The following IL1RAPL2 variants were observed in gnomAD, a reference collection of about 807,000 sequenced individuals.
IL1RAPL2 encodes the protein interleukin 1 receptor accessory protein like 2, also known as X-linked interleukin-1 receptor accessory protein-like 2.
A neutral mutation model predicts 44.1 loss-of-function variants in IL1RAPL2; 3 were observed. The observed-to-expected ratio is 0.07, with a 90% CI of 0.03 to 0.18. The LOEUF (loss-of-function observed/expected upper bound fraction) is 0.18, where lower values mean the gene tolerates loss of function less well. Among genes scored for constraint, IL1RAPL2 ranks in the 10% least tolerant of loss-of-function variants. The probability of loss-of-function intolerance (pLI) is 1.00; values close to 1 mark genes in which losing one functional copy is unlikely to be tolerated. For synonymous variants in IL1RAPL2, 181 were observed against 178.8 expected (o/e 1.01, Z -0.10); for missense variants, 391 against 496.4 (o/e 0.79, Z 2.02).
At chrX:105,168,063 G>A (rs2033386726) in intron 2 of IL1RAPL2, among the ~76,000 whole-genome samples, 1 of 111,191 alleles carries the variant, frequency 9.0e-6, no homozygotes, top group African/African-American at 3.3e-5. Flanking sequence ...ACAAATACAT[G>A]AACTTAATGA....
intron 2 of IL1RAPL2, among the ~76,000 whole-genome samples, chrX:104,990,416 A>G (rs752493487): frequency 8.5e-5 from 7 of 82,420 alleles, no homozygotes; most frequent in African/African-American, 2.9e-4. Flanking sequence ...TTGGAGGTGT[A>G]TGTTTTTTTT....
intron 1 of IL1RAPL2, among the ~76,000 whole-genome samples, chrX:104,616,006 G>C (rs140702877): frequency 0.013 from 1,506 of 111,714 alleles, 26 homozygotes; most frequent in Middle Eastern, 0.028. Context: ...TCATATGTTT[G>C]TTGGCCACAT....
chrX:105,363,756 T>C (rs2035271973), intron 5 of IL1RAPL2, among the ~76,000 whole-genome samples: 2 of 110,903 alleles, frequency 1.8e-5, no homozygotes, highest in African/African-American at 3.3e-5. Flanking sequence ...TTTTAAGAAA[T>C]ATATATTTAG....
At chrX:105,219,232 T>C (rs376797924) in intron 3 of IL1RAPL2, 9 of 1,208,393 alleles carry the variant, frequency 7.4e-6, no homozygotes, top group Middle Eastern at 4.6e-4. Flanking sequence ...GACTGTTGCT[T>C]GTGGAGGGGA....
At chrX:105,363,892 C>A (rs2035272848) in intron 5 of IL1RAPL2, among the ~76,000 whole-genome samples, 1 of 111,144 alleles carries the variant, frequency 9.0e-6, no homozygotes, top group African/African-American at 3.3e-5. Context: ...TCTCCCAATC[C>A]ATGGGTTATC....
intron 6 of IL1RAPL2, among the ~76,000 whole-genome samples, chrX:105,659,281 A>G (rs7891183): frequency 0.35 from 38,470 of 110,627 alleles, 4,984 homozygotes; most frequent in Middle Eastern, 0.39. Flanking sequence ...AGAATTCAAA[A>G]TAACTGTTTT....
At position 105,160,024 on chromosome X, in the gene IL1RAPL2, A is replaced by G. The variant is rs1413739659; in HGVS notation, c.83-35451A>G. On this transcript the variant is annotated intron_variant, in intron 2 of 10. Transcript: ENST00000372582. ...ACCCCATTTTTTTGTGGTTGTTTGT[A>G]ACAAAAATATTTGCTTTCACAAAGC... Among the ~76,000 whole-genome samples, 11 of 91,167 alleles carry G rather than the reference A, an allele frequency of 1.2e-4. No homozygotes were observed. In the Admixed American group the frequency reaches 1.3e-3, roughly 11 times the overall value. The allele number at this position is 91,167 out of a possible 115,157, so 79.2% of individuals were successfully genotyped here.
intron 4 of IL1RAPL2, among the ~76,000 whole-genome samples, chrX:105,248,607 TA>T (rs1455374872): frequency 9.1e-6 from 1 of 110,346 alleles, no homozygotes; most frequent in Non-Finnish European, 1.9e-5. Context: ...GACAAGGGAT[TA>T]ATCACCAGAA....
intron 9 of IL1RAPL2, among the ~76,000 whole-genome samples, chrX:105,751,647 G>A (rs1189256450): frequency 9.0e-6 from 1 of 111,667 alleles, no homozygotes; most frequent in Non-Finnish European, 1.9e-5. Context: ...GCAATATGGG[G>A]AGAGGGTACT....
At chrX:105,011,665 ATAT>A (rs1048453676) in intron 2 of IL1RAPL2, among the ~76,000 whole-genome samples, 13 of 111,444 alleles carry the variant, frequency 1.2e-4, no homozygotes, top group African/African-American at 4.2e-4. Flanking sequence ...TAGTTGAATA[ATAT>A]TCCATTTTGT....
chrX:104,573,160 A>AAC (rs1928178354), intron 1 of IL1RAPL2, among the ~76,000 whole-genome samples: 1 of 112,150 alleles, frequency 8.9e-6, no homozygotes, highest in Non-Finnish European at 1.9e-5. Flanking sequence ...TTTCAGGTTA[A>AAC]GTAGGAAATT....
At chrX:104,935,852 A>AG (rs1262755479) in intron 2 of IL1RAPL2, among the ~76,000 whole-genome samples, 1 of 111,479 alleles carries the variant, frequency 9.0e-6, no homozygotes, top group African/African-American at 3.3e-5. Flanking sequence ...TGACAGGGCA[A>AG]GAATGCAGTC....
chrX:105,109,261 C>T (rs1046287261), intron 2 of IL1RAPL2, among the ~76,000 whole-genome samples: 7 of 111,981 alleles, frequency 6.3e-5, no homozygotes, highest in African/African-American at 9.7e-5. Context: ...TCACCAAGCA[C>T]GATACCTGGA....
chrX:105,356,343 A>G (rs928196894), intron 5 of IL1RAPL2, among the ~76,000 whole-genome samples: 3 of 111,381 alleles, frequency 2.7e-5, no homozygotes, highest in Non-Finnish European at 3.8e-5. Flanking sequence ...CTTCATGTTT[A>G]TTGATTCTCT....
At position 104,825,325 on chromosome X, in the gene IL1RAPL2, G is replaced by T. The variant is rs776093002; in HGVS notation, c.82+166330G>T. 4.5e-5 allele frequency among the ~76,000 whole-genome samples: 5 copies of T among 112,066 alleles called. No individual in the cohort carries two copies. The South Asian group carries it at 1.9e-3, about 42-fold the overall frequency. Reference sequence around the variant, plus strand: ...CCGCTAACAGTGCAGCCCTGCTAGGGCCTAAGTTCTCAAACTGTCTGTGAA... The same window carrying T: ...CCGCTAACAGTGCAGCCCTGCTAGGTCCTAAGTTCTCAAACTGTCTGTGAA... On this transcript the variant is annotated intron_variant, in intron 2 of 10. Transcript: ENST00000372582.
chrX:104,612,582 T>A (rs1929184825), intron 1 of IL1RAPL2, among the ~76,000 whole-genome samples: 1 of 112,170 alleles, frequency 8.9e-6, no homozygotes, highest in Non-Finnish European at 1.9e-5. Context: ...TGCTATAGCC[T>A]TATAGTACAG....
At chrX:104,594,526 CAATA>C (rs1235416166) in intron 1 of IL1RAPL2, among the ~76,000 whole-genome samples, 12 of 111,684 alleles carry the variant, frequency 1.1e-4, no homozygotes, top group Admixed American at 1.9e-4. Flanking sequence ...TTTATTCAAT[CAATA>C]AATATTTATT....
chrX:105,692,682 A>AT (rs2147532483), intron 6 of IL1RAPL2, among the ~76,000 whole-genome samples: 1 of 101,936 alleles, frequency 9.8e-6, no homozygotes, highest in Non-Finnish European at 2.0e-5. Flanking sequence ...AAAAAAAAAA[A>AT]GGTGGGAGAG....
intron 2 of IL1RAPL2, among the ~76,000 whole-genome samples, chrX:105,008,764 A>T (rs2030990838): frequency 8.9e-6 from 1 of 111,839 alleles, no homozygotes. Context: ...GATCTATTTA[A>T]ACTAAAGAGC....
Sources: gnomAD v4.1 joint callset for allele counts (sites outside exome capture counted in the v4.1 genomes callset) on GRCh38, gnomAD v4.1.1 for gene constraint, MANE v1.5 for transcripts, NCBI Gene and HGNC (gene_info 2026-07-23, HGNC 2026-07-21) for gene names.